The following ZFAND3 variants were observed in gnomAD, a reference collection of about 807,000 sequenced individuals.
ZFAND3 encodes the protein AN1-type zinc finger protein 3.
Under a neutral mutation model 29.6 loss-of-function variants are expected in ZFAND3, and 10 were observed. The observed-to-expected ratio is 0.34, with a 90% CI of 0.21 to 0.57. The LOEUF is 0.57. Ranked by LOEUF, ZFAND3 falls within the 20% of genes least tolerant of loss-of-function variation. The pLI is 0.86. For missense variants in ZFAND3, 230 were observed against 304.5 expected (o/e 0.76, Z 1.82); for synonymous variants, 128 against 112.6 (o/e 1.14, Z -0.87).
At chr6:37,901,245 A>G (rs1016896475) in intron 1 of ZFAND3, among the ~76,000 whole-genome samples, 5 of 152,202 alleles carry the variant, frequency 3.3e-5, no homozygotes, top group Non-Finnish European at 7.3e-5. Flanking sequence ...AAGGAAGGAA[A>G]AGGGCATCCT....
chr6:37,856,581 T>C (rs1399464096), intron 1 of ZFAND3, among the ~76,000 whole-genome samples: 1 of 152,192 alleles, frequency 6.6e-6, no homozygotes, highest in Non-Finnish European at 1.5e-5. Context: ...ACTCCACCTG[T>C]GTATGGTTTG....
At chr6:37,987,338 A>G (rs957442233) in intron 2 of ZFAND3, among the ~76,000 whole-genome samples, 15 of 152,204 alleles carry the variant, frequency 9.9e-5, no homozygotes, top group Non-Finnish European at 4.4e-5. Flanking sequence ...CCTAGTAACA[A>G]TATCTAGCAT....
chr6:37,896,562 C>CTTTCTTTCTTTCTTTTCT (rs1554153806), intron 1 of ZFAND3, among the ~76,000 whole-genome samples: 10 of 135,340 alleles, frequency 7.4e-5, no homozygotes, highest in African/African-American at 1.7e-4. Context: ...TTCTTTCTTT[C>CTTTCTTTCTTTCTTTTCT]TTTCTTTCTC....
chr6:37,841,576 C>T (rs769872762), intron 1 of ZFAND3, among the ~76,000 whole-genome samples: 5 of 152,124 alleles, frequency 3.3e-5, no homozygotes, highest in Non-Finnish European at 4.4e-5. Context: ...CTCTGCCTCC[C>T]GGGTTCACGC....
intron 5 of ZFAND3, among the ~76,000 whole-genome samples, chr6:38,143,579 G>A (rs1007240658): frequency 1.3e-5 from 2 of 152,250 alleles, no homozygotes; most frequent in South Asian, 4.1e-4. Context: ...AAGCTGTCTC[G>A]ATATGATTTA....
chr6:37,838,376 TC>T (rs1764008714), intron 1 of ZFAND3, among the ~76,000 whole-genome samples: 1 of 152,218 alleles, frequency 6.6e-6, no homozygotes, highest in Non-Finnish European at 1.5e-5. Context: ...TTTAGTCTCT[TC>T]ACAAAGTTAT....
chr6:37,922,636 A>G (rs566622903), intron 1 of ZFAND3, among the ~76,000 whole-genome samples: 6 of 152,260 alleles, frequency 3.9e-5, no homozygotes, highest in African/African-American at 1.4e-4. Flanking sequence ...GGTATAGCCT[A>G]CTCCACACCT....
At position 38,035,513 on chromosome 6, in the gene ZFAND3, A is replaced by G. The variant is rs375964038; in HGVS notation, c.113-26080A>G. Among the ~76,000 whole-genome samples, 13 of 152,310 alleles carry G rather than the reference A, an allele frequency of 8.5e-5. No homozygotes were observed. The East Asian group carries it at 2.5e-3, about 29-fold the overall frequency. ...GGGTGATTTGTTTTCTTAGGTACCC[A>G]TGTTCTGAGTTATCAATATTGTTTA... On this transcript the variant is annotated intron_variant, in intron 2 of 5. Coordinates refer to ENST00000287218, the MANE Select transcript of ZFAND3 (RefSeq NM_021943.3).
At chr6:37,837,646 A>G (rs1180249698) in intron 1 of ZFAND3, among the ~76,000 whole-genome samples, 1 of 152,070 alleles carries the variant, frequency 6.6e-6, no homozygotes, top group East Asian at 1.9e-4. Flanking sequence ...CTGGGATTAC[A>G]GGCATGCGCC....
At chr6:37,934,528 T>TA (rs1312708023) in intron 2 of ZFAND3, among the ~76,000 whole-genome samples, 13 of 106,744 alleles carry the variant, frequency 1.2e-4, no homozygotes, top group Admixed American at 4.4e-4. Context: ...TTTAGTCTAT[T>TA]TAAAAAAAAA....
At chr6:38,068,382 G>A (rs1764386416) in intron 3 of ZFAND3, among the ~76,000 whole-genome samples, 2 of 152,166 alleles carry the variant, frequency 1.3e-5, no homozygotes, top group Non-Finnish European at 2.9e-5. Context: ...TTACTGTATT[G>A]TCTGTGGCTG....
At position 37,894,868 on chromosome 6, in the gene ZFAND3, C is replaced by T. The variant is rs1181619203; in HGVS notation, c.72-35091C>T. Among the ~76,000 whole-genome samples the T allele has an allele frequency of 3.3e-5, 5 of 152,182 alleles. No individual in the cohort carries two copies. In the South Asian group the frequency reaches 6.2e-4, roughly 19 times the overall value. On this transcript the variant is annotated intron_variant, in intron 1 of 5. Coordinates refer to ENST00000287218, the MANE Select transcript of ZFAND3 (RefSeq NM_021943.3). The stretch of plus-strand genomic sequence containing the variant: ...GCAACATCTCTAATGAGAAATCTGT[C>T]ACTGTCCTTATCTTCTTTCGTTTAT...
intron 4 of ZFAND3, among the ~76,000 whole-genome samples, chr6:38,109,153 A>G (rs1187908521): frequency 6.6e-6 from 1 of 151,732 alleles, no homozygotes; most frequent in Non-Finnish European, 1.5e-5. Flanking sequence ...CTTGCCCTCT[A>G]AAACTGTTGG....
intron 3 of ZFAND3, among the ~76,000 whole-genome samples, chr6:38,071,849 A>G (rs1363472154): frequency 2.0e-5 from 3 of 152,170 alleles, no homozygotes; most frequent in Non-Finnish European, 2.9e-5. Flanking sequence ...TACTCAATAA[A>G]TGGTTAGTGA....
chr6:37,976,345 G>C (rs1190911182), intron 2 of ZFAND3, among the ~76,000 whole-genome samples: 1 of 152,096 alleles, frequency 6.6e-6, no homozygotes, highest in Non-Finnish European at 1.5e-5. Flanking sequence ...ACTTTGGGAG[G>C]CCAAGGTAGG....
intron 5 of ZFAND3, among the ~76,000 whole-genome samples, chr6:38,134,088 C>T (rs1286963879): frequency 6.6e-6 from 1 of 152,180 alleles, no homozygotes; most frequent in Non-Finnish European, 1.5e-5. Flanking sequence ...AATGAGTCAT[C>T]CAGTGCACTG....
intron 2 of ZFAND3, among the ~76,000 whole-genome samples, chr6:37,977,783 T>G (rs1336506337): frequency 2.0e-5 from 3 of 147,750 alleles, no homozygotes; most frequent in East Asian, 2.0e-4. Flanking sequence ...TTTTGTTTTT[T>G]TTTTTTTTCA....
intron 5 of ZFAND3, among the ~76,000 whole-genome samples, chr6:38,141,759 A>T (rs1765961432): frequency 6.6e-6 from 1 of 152,180 alleles, no homozygotes; most frequent in African/African-American, 2.4e-5. Flanking sequence ...TGTTGTGTGA[A>T]TGGAGGAGGA....
At chr6:37,953,765 C>A (rs1477202411) in intron 2 of ZFAND3, among the ~76,000 whole-genome samples, 1 of 152,038 alleles carries the variant, frequency 6.6e-6, no homozygotes, top group African/African-American at 2.4e-5. Context: ...AGTCAATTAT[C>A]TTTTAAAGAG....
Sources: gnomAD v4.1 joint callset for allele counts (sites outside exome capture counted in the v4.1 genomes callset) on GRCh38, gnomAD v4.1.1 for gene constraint, MANE v1.5 for transcripts, NCBI Gene and HGNC (gene_info 2026-07-23, HGNC 2026-07-21) for gene names.